The following CTH variants were observed in gnomAD, a reference collection of about 807,000 sequenced individuals.
CTH encodes the protein cystathionine gamma-lyase.
In CTH, 41 loss-of-function variants were observed where a neutral mutation model predicts 50.6. The observed-to-expected ratio is 0.81, with a 90% CI of 0.63 to 1.05. CTH has a LOEUF of 1.05. CTH is among the 50% of genes least tolerant of loss of function. The pLI is 0.00. For missense variants in CTH, 470 were observed against 492.6 expected, an observed-to-expected ratio of 0.95 and a Z score of 0.43; for synonymous variants, 156 against 168.9, an observed-to-expected ratio of 0.92 and a Z score of 0.59.
chr1:70,421,523 A>G, intron 3 of CTH, 43 bp from the exon 4 acceptor site: 1 of 1,585,908 alleles, frequency 6.3e-7, no homozygotes, highest in South Asian at 1.1e-5. Flanking sequence ...ATGTTTCTTA[A>G]TGCAATGTTC....
Position 70,411,329 on chromosome 1 carries a change from C to G in CTH, c.-87C>G. On this transcript the variant is annotated 5_prime_UTR_variant, in exon 1 of 12. Transcript: ENST00000370938. Reference sequence around the variant, plus strand: ...TGCTTTAGCTCCTTCTCGCCTGATCCTTCTGTCTCTCCCAACCCCGGACAC... The same window carrying G: ...TGCTTTAGCTCCTTCTCGCCTGATCGTTCTGTCTCTCCCAACCCCGGACAC... The G allele has an allele frequency of 7.2e-7, 1 of 1,382,642 alleles. No individual in the cohort carries two copies. The allele number at this position is 1,382,642 out of a possible 1,614,324, so 85.6% of individuals were successfully genotyped here.
intron 1 of CTH, among the ~76,000 whole-genome samples, chr1:70,412,778 A>G (rs910167051): frequency 3.3e-5 from 5 of 152,210 alleles, no homozygotes; most frequent in African/African-American, 1.2e-4. Flanking sequence ...GTTGAGATGT[A>G]TTTAAGGCTG....
At chr1:70,435,673 T>C (rs1430565431) in intron 10 of CTH, among the ~76,000 whole-genome samples, 1 of 152,060 alleles carries the variant, frequency 6.6e-6, no homozygotes, top group Admixed American at 6.6e-5. Flanking sequence ...AATGTCTTCA[T>C]GTTGTGTACA....
At position 70,424,270 on chromosome 1, in the gene CTH, G is replaced by A; in HGVS notation, c.457-15G>A. The stretch of plus-strand genomic sequence containing the variant: ...ATATTTTTACAAACTACTGTTATTT[G>A]CTGAATTATTTTAGCTTGTTTGGAT... On this transcript the variant is annotated splice_polypyrimidine_tract_variant and intron_variant, in intron 4 of 11. Coordinates refer to ENST00000370938, the MANE Select transcript of CTH (RefSeq NM_001902.6). 2 of 1,613,860 alleles carry A rather than the reference G, an allele frequency of 1.2e-6. No homozygotes were observed. The highest frequency in any genetic ancestry group is 1.1e-5 in the South Asian group (1 of 91,070).
Position 70,418,139 on chromosome 1 carries a change from A to G in CTH, c.346+107A>G, listed in dbSNP as rs1469043315. On this transcript the variant is annotated intron_variant, in intron 3 of 11. Coordinates refer to ENST00000370938, the MANE Select transcript of CTH (RefSeq NM_001902.6). ...TTGCCAGTATTTTTGATTATTTATT[A>G]TAGTTTACAGGTGTGACAGGTACCT... is the stretch of plus-strand genomic sequence containing the variant. 2.9e-6 allele frequency: 4 copies of G among 1,373,882 alleles called. No individual in the cohort carries two copies. In the East Asian group the frequency reaches 9.9e-5, roughly 34 times the overall value. The allele number at this position is 1,373,882 out of a possible 1,614,324, so 85.1% of individuals were successfully genotyped here. A position where few individuals can be genotyped will look rare whatever the true frequency, so the allele number is the denominator to read the frequency against.
Position 70,430,380 on chromosome 1 carries a change from G to T in CTH, c.710G>T (p.Arg237Leu), listed in dbSNP as rs147044875. ...VNCESLHNRL[R>L]FLQNSLGAVP... ...TGTGAAAGCCTTCATAATAGACTTCGTTTCTTGCAAAACTGTAAGTATTAA... is the reference window on the plus strand; with the variant it reads ...TGTGAAAGCCTTCATAATAGACTTCTTTTCTTGCAAAACTGTAAGTATTAA... Residue 237 changes from arginine to leucine, a missense_variant, in exon 7 of 12, where the codon CGT (arginine) becomes CTT (leucine). Physicochemically the swap from Arg to Leu is moderately radical, Grantham distance 102. Coordinates refer to ENST00000370938, the MANE Select transcript of CTH (RefSeq NM_001902.6). 3.1e-5 allele frequency: 48 copies of T among 1,570,706 alleles called. No homozygotes were observed. Among genetic ancestry groups the T allele is most frequent in the Non-Finnish European group, 4.4e-6 (5 of 1,140,844 alleles).
At chr1:70,416,726 G>A (rs1334765890) in intron 2 of CTH, among the ~76,000 whole-genome samples, 1 of 152,002 alleles carries the variant, frequency 6.6e-6, no homozygotes, top group Non-Finnish European at 1.5e-5. Flanking sequence ...ACCACGCCCA[G>A]CTAATTTTTT....
rs1684678113 is a variant in CTH at position 70,439,637 on chromosome 1, A to ACTT, written c.*511_*513dup. ...TGAAATTCTACTGATTTAAGACTAT[A>ACTT]CTTAATATTTTTAAAAAAATAAATC... is the stretch of plus-strand genomic sequence containing the variant. On this transcript the variant is annotated 3_prime_UTR_variant, in exon 12 of 12. Transcript: ENST00000370938. 6.3e-6 allele frequency: 1 copy of ACTT among 158,902 alleles called. No homozygotes were observed. The highest frequency in any genetic ancestry group is 2.4e-5 in the African/African-American group (1 of 41,598). The allele number at this position is 158,902 out of a possible 1,614,324, so 9.8% of individuals were successfully genotyped here.
At chr1:70,430,120 A>T (rs1172014262) in intron 6 of CTH, among the ~76,000 whole-genome samples, 197 bp from the exon 7 acceptor site, 1 of 152,162 alleles carries the variant, frequency 6.6e-6, no homozygotes, top group East Asian at 1.9e-4. Flanking sequence ...GTTTTTATAT[A>T]ATTTTTATTT....
intron 2 of CTH, among the ~76,000 whole-genome samples, chr1:70,417,709 T>C (rs545426745): frequency 2.1e-4 from 32 of 152,374 alleles, no homozygotes; most frequent in African/African-American, 7.5e-4. Flanking sequence ...CAAGGCAAAA[T>C]TGACTTAACA....
chr1:70,411,799 T>C, intron 1 of CTH: 1 of 650,200 alleles, frequency 1.5e-6, no homozygotes, highest in Non-Finnish European at 1.9e-6. Flanking sequence ...GAGCCGTTTG[T>C]CCAGCTTGCC....
chr1:70,436,169 G>A (rs1017032712), intron 10 of CTH, among the ~76,000 whole-genome samples: 12 of 151,662 alleles, frequency 7.9e-5, no homozygotes, highest in African/African-American at 2.9e-4. Context: ...AAAATTATCC[G>A]AGTGTGGTGG....
intron 10 of CTH, among the ~76,000 whole-genome samples, chr1:70,436,689 T>C (rs1684606168): frequency 1.3e-5 from 2 of 151,728 alleles, no homozygotes. Flanking sequence ...AAAAGATGTC[T>C]AAATAATGAC....
intron 4 of CTH, 79 bp from the exon 5 acceptor site, chr1:70,424,206 C>T: frequency 1.2e-6 from 2 of 1,608,044 alleles, no homozygotes; most frequent in South Asian, 1.1e-5. Flanking sequence ...ATGTAGCTTC[C>T]CAGATTGTTA....
At chr1:70,436,137 C>A (rs1572273125) in intron 10 of CTH, among the ~76,000 whole-genome samples, 1 of 150,672 alleles carries the variant, frequency 6.6e-6, no homozygotes, top group South Asian at 2.1e-4. Context: ...ATGGTGAAAC[C>A]CTGTCTCTCC....
intron 1 of CTH, among the ~76,000 whole-genome samples, chr1:70,413,953 G>T (rs746210520): frequency 3.6e-4 from 54 of 151,244 alleles, no homozygotes; most frequent in Non-Finnish European, 6.9e-4. Context: ...TGTTGGCCAG[G>T]CTGGTCTTGA....
intron 2 of CTH, 29 bp downstream of exon 2, chr1:70,416,066 A>AATGGAAATGTATTTT (rs2101729224): frequency 1.6e-6 from 2 of 1,248,632 alleles, no homozygotes; most frequent in South Asian, 2.4e-5. Flanking sequence ...ACAGTCTAGA[A>AATGGAAATGTATTTT]TCTATTTTTA....
intron 10 of CTH, among the ~76,000 whole-genome samples, chr1:70,437,786 A>G (rs565724956): frequency 2.6e-5 from 4 of 152,160 alleles, no homozygotes; most frequent in Non-Finnish European, 5.9e-5. Flanking sequence ...AGGAGAAAGC[A>G]GCTTAGGTAT....
At chr1:70,422,768 T>C (rs904442052) in intron 4 of CTH, among the ~76,000 whole-genome samples, 3 of 152,076 alleles carry the variant, frequency 2.0e-5, no homozygotes, top group African/African-American at 7.2e-5. Context: ...CCCATCACCA[T>C]GCTCAGCTAA....
Sources: gnomAD v4.1 joint callset for allele counts (sites outside exome capture counted in the v4.1 genomes callset) on GRCh38, gnomAD v4.1.1 for gene constraint, MANE v1.5 for transcripts, NCBI Gene and HGNC (gene_info 2026-07-23, HGNC 2026-07-21) for gene names.